The following IGFL2 variants were observed in gnomAD, a reference collection of about 807,000 sequenced individuals.
The protein encoded by IGFL2 is insulin growth factor-like family member 2.
IGFL2 carries 7 observed loss-of-function variants against 13.9 expected under a neutral mutation model. That is an observed-to-expected ratio of 0.51 (90% CI 0.29 to 0.95). IGFL2 has a LOEUF of 0.95. Ranked by LOEUF, IGFL2 falls within the 40% of genes least tolerant of loss-of-function variation. The pLI is 0.08. For missense variants in IGFL2, 138 were observed against 147.8 expected (o/e 0.93, Z 0.34); for synonymous variants, 55 against 55.8 (o/e 0.99, Z 0.07).
downstream of IGFL2, among the ~76,000 whole-genome samples, chr19:46,165,573 T>C (rs1248156211): frequency 6.6e-6 from 1 of 152,218 alleles, no homozygotes; most frequent in Non-Finnish European, 1.5e-5. Flanking sequence ...CGTGGCCCTG[T>C]CACCTACATG....
the IGFL2 span, chr19:46,195,285 G>A: frequency 1.3e-5 from 2 of 152,716 alleles, no homozygotes; most frequent in African/African-American, 4.8e-5. Flanking sequence ...CCCAAGTGTT[G>A]GAATTACAGA....
chr19:46,082,690 C>T, the IGFL2 span, among the ~76,000 whole-genome samples: 1 of 151,450 alleles, frequency 6.6e-6, no homozygotes, highest in African/African-American at 2.4e-5. Context: ...GTGGTGCAGT[C>T]ATGGCTCACT....
the IGFL2 span, chr19:46,204,224 C>T: frequency 6.6e-6 from 1 of 152,212 alleles, no homozygotes; most frequent in African/African-American, 2.4e-5. Flanking sequence ...GGTCTCCCAC[C>T]AGCAGCTGGG....
chr19:46,135,501 G>A, the IGFL2 span, among the ~76,000 whole-genome samples: 2 of 152,062 alleles, frequency 1.3e-5, no homozygotes, highest in Admixed American at 1.3e-4. Flanking sequence ...GAGAGAAGAG[G>A]GTTAGATAAA....
the IGFL2 span, among the ~76,000 whole-genome samples, chr19:46,194,830 T>TTTTA: frequency 2.1e-5 from 1 of 46,780 alleles, no homozygotes; most frequent in African/African-American, 1.0e-4. Context: ...CTTCCTCATT[T>TTTTA]TATATATATA....
At chr19:46,090,053 T>G in the IGFL2 span, among the ~76,000 whole-genome samples, 2 of 152,158 alleles carry the variant, frequency 1.3e-5, no homozygotes, top group Admixed American at 1.3e-4. Context: ...TTTTTTCTTT[T>G]TTCCCCTCTG....
the IGFL2 span, among the ~76,000 whole-genome samples, chr19:46,112,394 T>TC: frequency 6.6e-6 from 1 of 152,160 alleles, no homozygotes; most frequent in Non-Finnish European, 1.5e-5. Context: ...ACCCTGTTTT[T>TC]CCAATGAGAA....
chr19:46,168,920 GTGTGTGTGTGTGTGTGTGTA>G, the IGFL2 span, among the ~76,000 whole-genome samples: 7 of 150,126 alleles, frequency 4.7e-5, no homozygotes, highest in Non-Finnish European at 8.8e-5. Flanking sequence ...GTGTGTATGT[GTGTGTGTGTGTGTGTGTGTA>G]TGTGTATGTG....
chr19:46,120,497 C>CTA, the IGFL2 span: 1 of 1,244,588 alleles, frequency 8.0e-7, no homozygotes, highest in Non-Finnish European at 1.1e-6. Flanking sequence ...AACAGAAGGA[C>CTA]ACAGTCACCA....
At chr19:46,210,583 T>G in the IGFL2 span, among the ~76,000 whole-genome samples, 1 of 152,172 alleles carries the variant, frequency 6.6e-6, no homozygotes, top group East Asian at 1.9e-4. Flanking sequence ...ACGTGGAGTC[T>G]GATGTTCGAG....
the IGFL2 span, among the ~76,000 whole-genome samples, chr19:46,092,935 A>G: frequency 6.6e-6 from 1 of 152,246 alleles, no homozygotes; most frequent in African/African-American, 2.4e-5. Context: ...TATACAAGGT[A>G]GCCTTAACCA....
chr19:46,160,400 T>C lies in IGFL2; in HGVS notation c.20-15T>C. On this transcript the variant is annotated splice_polypyrimidine_tract_variant and intron_variant, in intron 1 of 3. Coordinates refer to ENST00000377693, the MANE Select transcript of IGFL2 (RefSeq NM_001135113.2). The stretch of plus-strand genomic sequence containing the variant: ...CTTCCAGCCCCATCCTTAACCTCCT[T>C]TCTTTCTCTCCCAGCTCCTGCTTAT... 1 of 1,611,046 alleles carries C rather than the reference T, an allele frequency of 6.2e-7. No homozygotes were observed. The highest frequency in any genetic ancestry group is 8.5e-7 in the Non-Finnish European group (1 of 1,178,344).
chr19:46,159,499 A>G (rs924569443), intron 1 of IGFL2: 2 of 152,210 alleles, frequency 1.3e-5, no homozygotes, highest in African/African-American at 4.8e-5. Flanking sequence ...TTCATTTGCA[A>G]GTACAGAAGA....
chr19:46,139,847 ATG>A (rs149546771), upstream of IGFL2, among the ~76,000 whole-genome samples: 5,505 of 152,188 alleles, frequency 0.036, 193 homozygotes, highest in East Asian at 0.11. Context: ...ATATATTTAT[ATG>A]TGTGTATGTA....
chr19:46,097,300 C>T, the IGFL2 span, among the ~76,000 whole-genome samples: 24 of 152,214 alleles, frequency 1.6e-4, no homozygotes, highest in African/African-American at 4.8e-4. Flanking sequence ...AGTTTATTTG[C>T]GTAGAGGTGT....
At chr19:46,201,420 C>A in the IGFL2 span, among the ~76,000 whole-genome samples, 17 of 152,312 alleles carry the variant, frequency 1.1e-4, no homozygotes, top group African/African-American at 3.6e-4. Flanking sequence ...AGGCACAGTT[C>A]TCATTCATTC....
chr19:46,110,117 A>G, the IGFL2 span, among the ~76,000 whole-genome samples: 21 of 152,376 alleles, frequency 1.4e-4, no homozygotes, highest in Non-Finnish European at 2.6e-4. Flanking sequence ...CATAAGCTAG[A>G]TAACAGCCAT....
At chr19:46,114,034 A>G in the IGFL2 span, among the ~76,000 whole-genome samples, 2 of 152,234 alleles carry the variant, frequency 1.3e-5, no homozygotes, top group Non-Finnish European at 2.9e-5. Context: ...TAAACAGCCC[A>G]GGAAGCCACT....
At chr19:46,157,637 C>T (rs554625514) in intron 1 of IGFL2, among the ~76,000 whole-genome samples, 4 of 152,120 alleles carry the variant, frequency 2.6e-5, no homozygotes, top group Admixed American at 2.0e-4. Context: ...TTCCTCAACT[C>T]GATAAAGTCC....
Sources: allele counts gnomAD v4.1 joint callset (sites outside exome capture counted in the v4.1 genomes callset), GRCh38; gene constraint gnomAD v4.1.1; transcripts MANE v1.5; gene names NCBI Gene and HGNC (gene_info 2026-07-23, HGNC 2026-07-21).